Variants in AFF3 observed in about 807,000 individuals in gnomAD.
AFF3 encodes ALF transcription elongation factor 3.
A neutral mutation model predicts 129.7 loss-of-function variants in AFF3; 32 were observed. The observed-to-expected ratio is 0.25, with a 90% CI of 0.19 to 0.33. AFF3 has a LOEUF of 0.33. AFF3 is among the 10% of genes least tolerant of loss of function. The pLI is 1.00. For synonymous variants in AFF3, 644 were observed against 635.4 expected (o/e 1.01, Z -0.20); for missense variants, 1,373 against 1,592.0 (o/e 0.86, Z 2.34).
Position 99,582,909 on chromosome 2 carries a change from C to G in AFF3, c.2682G>C (p.Glu894Asp), listed in dbSNP as rs1677714394. 1.2e-6 allele frequency: 2 copies of G among 1,614,026 alleles called. No individual in the cohort carries two copies. Among genetic ancestry groups the G allele is most frequent in the South Asian group, 2.2e-5 (2 of 91,088 alleles). The change falls in exon 17 of 25, where the codon GAG becomes GAC. Residue 894 changes from glutamate to aspartate, a missense_variant. Transcript: ENST00000672756. ...SDASKHKYTSEDLTSSSRPNG... is the reference protein window; with the variant it reads ...SDASKHKYTSDDLTSSSRPNG... ...TAGGTCGGCTGGAAGAAGTTAAGTCCTCGCTGGTGTATTTGTGTTTAGATG... is the reference window on the plus strand; with the variant it reads ...TAGGTCGGCTGGAAGAAGTTAAGTCGTCGCTGGTGTATTTGTGTTTAGATG...
intron 8 of AFF3, among the ~76,000 whole-genome samples, chr2:99,754,612 G>A (rs1460349433): frequency 2.0e-5 from 3 of 152,166 alleles, no homozygotes; most frequent in Non-Finnish European, 4.4e-5. Flanking sequence ...CATAAAAAAT[G>A]AGTAACAGTA....
intron 7 of AFF3, among the ~76,000 whole-genome samples, chr2:99,895,506 T>C (rs973915165): frequency 3.3e-5 from 5 of 152,164 alleles, no homozygotes; most frequent in African/African-American, 4.8e-5. Context: ...ACTGCATCCA[T>C]TTACATAACC....
At chr2:99,959,507 T>C (rs1677015205) in intron 7 of AFF3, among the ~76,000 whole-genome samples, 2 of 151,560 alleles carry the variant, frequency 1.3e-5, no homozygotes, top group African/African-American at 2.4e-5. Flanking sequence ...CCAAGGCATA[T>C]TTATACTTAA....
intron 8 of AFF3, among the ~76,000 whole-genome samples, chr2:99,786,030 G>A (rs1352187337): frequency 6.6e-6 from 1 of 152,204 alleles, no homozygotes; most frequent in Non-Finnish European, 1.5e-5. Context: ...AGTGATTTAA[G>A]AAGAACTTGA....
At chr2:99,859,784 CT>C (rs1295371989) in intron 7 of AFF3, among the ~76,000 whole-genome samples, 2 of 152,176 alleles carry the variant, frequency 1.3e-5, no homozygotes, top group Non-Finnish European at 2.9e-5. Context: ...GAAAAATCAT[CT>C]TTGATCAGTT....
At chr2:99,903,551 A>G (rs981568063) in intron 7 of AFF3, among the ~76,000 whole-genome samples, 4 of 152,210 alleles carry the variant, frequency 2.6e-5, no homozygotes, top group African/African-American at 9.6e-5. Context: ...AAATTGGAAT[A>G]TCAATAATAA....
At chr2:100,123,053 A>G (rs1420986583) in intron 2 of AFF3, among the ~76,000 whole-genome samples, 1 of 152,246 alleles carries the variant, frequency 6.6e-6, no homozygotes, top group Non-Finnish European at 1.5e-5. Flanking sequence ...CAGTTGTTCA[A>G]AAATGGATGT....
In AFF3 at chr2:99,723,996, C is replaced by G. The variant is rs570863526; in HGVS notation, c.1091+3081G>C. ...TTTACATCTCCCAGAAGCAACCAAC[C>G]CTGCTGACACCCTGACTGGGACTTC... On this transcript the variant is annotated intron_variant, in intron 11 of 24. Coordinates refer to ENST00000672756, the MANE Select transcript of AFF3 (RefSeq NM_001386135.1). Among the ~76,000 whole-genome samples, 701 of 152,242 alleles carry G rather than the reference C, an allele frequency of 4.6e-3. 2 individuals carry two copies. Among genetic ancestry groups the G allele is most frequent in the Non-Finnish European group, 7.2e-3 (491 of 68,022 alleles).
intron 7 of AFF3, among the ~76,000 whole-genome samples, chr2:100,000,938 C>T (rs541642771): frequency 6.6e-5 from 10 of 152,294 alleles, no homozygotes; most frequent in South Asian, 4.1e-4. Flanking sequence ...GCTTTTCTCA[C>T]GAAACTGGAA....
At chr2:100,108,453 A>C (rs888704794) in intron 2 of AFF3, among the ~76,000 whole-genome samples, 2 of 152,048 alleles carry the variant, frequency 1.3e-5, no homozygotes, top group African/African-American at 4.8e-5. Context: ...AACATGGGGC[A>C]TAGGGACCAT....
chr2:99,623,604 C>T (rs1189759304), intron 13 of AFF3, among the ~76,000 whole-genome samples: 17 of 152,202 alleles, frequency 1.1e-4, no homozygotes, highest in Admixed American at 9.8e-4. Flanking sequence ...AAGACAATCC[C>T]CATGGGGACT....
intron 4 of AFF3, among the ~76,000 whole-genome samples, chr2:100,018,012 ATGTGTGTG>A (rs754696123): frequency 6.8e-6 from 1 of 148,102 alleles, no homozygotes; most frequent in African/African-American, 2.5e-5. Context: ...CTTGGTTGAT[ATGTGTGTG>A]TGTGTGTGTG....
intron 12 of AFF3, among the ~76,000 whole-genome samples, chr2:99,650,796 A>ATGTGTGTGTGTGTGTGTG (rs142082185): frequency 1.6e-3 from 234 of 144,822 alleles, no homozygotes; most frequent in Non-Finnish European, 9.4e-4. Flanking sequence ...ACTAAAATTA[A>ATGTGTGTGTGTGTGTGTG]TGTGTGTGTG....
intron 7 of AFF3, among the ~76,000 whole-genome samples, chr2:99,874,176 C>CA (rs567382356): frequency 1.9e-3 from 287 of 151,368 alleles, no homozygotes; most frequent in Non-Finnish European, 3.3e-3. Flanking sequence ...GACTCCGTCT[C>CA]AAAAAAAACA....
At chr2:99,651,628 G>T (rs1349422381) in intron 12 of AFF3, among the ~76,000 whole-genome samples, 2 of 151,986 alleles carry the variant, frequency 1.3e-5, no homozygotes, top group African/African-American at 4.8e-5. Context: ...TTTTAGTAGA[G>T]ACAGGGTCTC....
chr2:99,937,199 C>T (rs1674599791), intron 7 of AFF3, among the ~76,000 whole-genome samples: 1 of 152,062 alleles, frequency 6.6e-6, no homozygotes, highest in South Asian at 2.1e-4. Flanking sequence ...CCTTTGAGCG[C>T]CACGTCAGTG....
chr2:99,974,656 C>T (rs1678704846), intron 7 of AFF3, among the ~76,000 whole-genome samples: 1 of 152,224 alleles, frequency 6.6e-6, no homozygotes, highest in Non-Finnish European at 1.5e-5. Context: ...AATGATTTTT[C>T]ACTACTGTTC....
At position 99,727,127 on chromosome 2, in the gene AFF3, C is replaced by T. The variant is rs1679423759; in HGVS notation, c.1041G>A (p.Lys347=). Residue 347 remains lysine (K), a splice_region_variant and synonymous_variant, in exon 11 of 25, where the codon AAG becomes AAA. Transcript: ENST00000672756. The part of the protein sequence containing the change: ...QLVSSGHNNP[K]KGDAEPESPD... ...GACTCTCTGGCTCTGCATCACCTTT[C>T]TCTTAAAAAGGAAGCAGAAAAAAAT... is the stretch of plus-strand genomic sequence containing the variant. 1 of 1,609,374 alleles carries T rather than the reference C, an allele frequency of 6.2e-7. No homozygotes were observed. The highest frequency in any genetic ancestry group is 1.3e-5 in the African/African-American group (1 of 74,714).
At chr2:99,559,113 G>A in intron 21 of AFF3, 145 bp from the exon 22 acceptor site, 1 of 646,494 alleles carries the variant, frequency 1.5e-6, no homozygotes, top group Non-Finnish European at 2.7e-6. Flanking sequence ...TGCATATAAT[G>A]TCTGTGAGGG....
Sources: gnomAD v4.1 joint callset for allele counts (sites outside exome capture counted in the v4.1 genomes callset) on GRCh38, gnomAD v4.1.1 for gene constraint, MANE v1.5 for transcripts, NCBI Gene and HGNC (gene_info 2026-07-23, HGNC 2026-07-21) for gene names.